The following RGS8 variants were observed in gnomAD, a reference collection of about 807,000 sequenced individuals.
RGS8 encodes the protein regulator of G-protein signaling 8.
RGS8 carries 8 observed loss-of-function variants against 21.7 expected under a neutral mutation model. That is an observed-to-expected ratio of 0.37 (90% confidence interval 0.22 to 0.66). The LOEUF is 0.66. Ranked by LOEUF, RGS8 falls within the 30% of genes least tolerant of loss-of-function variation. The pLI is 0.59. For missense variants in RGS8, 157 were observed against 217.9 expected, an observed-to-expected ratio of 0.72 and a Z score of 1.76; for synonymous variants, 80 against 83.6, an observed-to-expected ratio of 0.96 and a Z score of 0.24.
the RGS8 span, among the ~76,000 whole-genome samples, chr1:182,706,881 T>C: frequency 6.6e-6 from 1 of 152,162 alleles, no homozygotes; most frequent in Non-Finnish European, 1.5e-5. Context: ...CAGTATGAAT[T>C]CATTTCAGAT....
rs773506161 is a variant in RGS8, at chr1:182,648,124, G to A, written c.360+13C>T. 1.2e-5 allele frequency: 19 copies of A among 1,585,286 alleles called. No individual in the cohort carries two copies. The highest frequency in any genetic ancestry group is 9.3e-5 in the South Asian group (8 of 86,478). On this transcript the variant is annotated intron_variant, in intron 6 of 6. Coordinates refer to ENST00000483095, the Ensembl canonical transcript of RGS8. ...GCCATGGATAGACAGGATGGTCGCC[G>A]CTGCCAACACACCTCCCGTGGAGCC...
At chr1:182,669,152 T>C (rs1234184207) in intron 3 of RGS8, among the ~76,000 whole-genome samples, 1 of 152,272 alleles carries the variant, frequency 6.6e-6, no homozygotes, top group Non-Finnish European at 1.5e-5. Context: ...AAATGGTTTT[T>C]ATTTTTCATC....
intron 5 of RGS8, among the ~76,000 whole-genome samples, chr1:182,649,633 G>T (rs943513910): frequency 2.0e-5 from 3 of 152,104 alleles, no homozygotes; most frequent in African/African-American, 7.2e-5. Flanking sequence ...AGATGAGCAG[G>T]GTTACCATGT....
chr1:182,693,231 A>G, the RGS8 span, among the ~76,000 whole-genome samples: 1 of 152,262 alleles, frequency 6.6e-6, no homozygotes, highest in African/African-American at 2.4e-5. Flanking sequence ...GCATCCAACA[A>G]AGGTTTAATA....
chr1:182,686,693 T>A (rs947000377), upstream of RGS8, among the ~76,000 whole-genome samples: 5 of 152,084 alleles, frequency 3.3e-5, no homozygotes, highest in Non-Finnish European at 4.4e-5. Context: ...AGGGCAGAAG[T>A]GGAAGAGGAG....
the RGS8 span, among the ~76,000 whole-genome samples, chr1:182,743,992 G>C: frequency 1.3e-5 from 2 of 152,100 alleles, no homozygotes; most frequent in Non-Finnish European, 2.9e-5. Flanking sequence ...TCACATGTTT[G>C]TTATCTGACT....
chr1:182,695,001 A>C, the RGS8 span, among the ~76,000 whole-genome samples: 36 of 152,248 alleles, frequency 2.4e-4, no homozygotes, highest in African/African-American at 8.4e-4. Context: ...ACTACAGTGC[A>C]TTGGGTTGTT....
the RGS8 span, among the ~76,000 whole-genome samples, chr1:182,752,347 G>C: frequency 2.0e-5 from 3 of 152,176 alleles, no homozygotes; most frequent in South Asian, 2.1e-4. Context: ...GACACAGGTG[G>C]TTCCTGTCAG....
chr1:182,723,062 C>A, the RGS8 span, among the ~76,000 whole-genome samples: 1 of 152,044 alleles, frequency 6.6e-6, no homozygotes, highest in African/African-American at 2.4e-5. Context: ...CAGCCTACTC[C>A]AATATGGCCT....
chr1:182,699,692 G>C, the RGS8 span, among the ~76,000 whole-genome samples: 1 of 152,174 alleles, frequency 6.6e-6, no homozygotes, highest in African/African-American at 2.4e-5. Flanking sequence ...GAGCCCTGGG[G>C]ATTGCAACGG....
the RGS8 span, among the ~76,000 whole-genome samples, chr1:182,700,959 T>C: frequency 6.6e-6 from 1 of 152,238 alleles, no homozygotes; most frequent in Non-Finnish European, 1.5e-5. Flanking sequence ...TATTCTAAGC[T>C]TCCCCATTGT....
chr1:182,737,699 T>C, the RGS8 span, among the ~76,000 whole-genome samples: 22 of 152,304 alleles, frequency 1.4e-4, no homozygotes, highest in East Asian at 4.0e-3. Context: ...GGTATGTCTT[T>C]ATTAGCAGCA....
the RGS8 span, among the ~76,000 whole-genome samples, chr1:182,695,247 A>G: frequency 6.6e-6 from 1 of 152,368 alleles, no homozygotes; most frequent in Non-Finnish European, 1.5e-5. Flanking sequence ...CTGGAAACCT[A>G]CACTGGAAAA....
At chr1:182,745,826 T>A in the RGS8 span, among the ~76,000 whole-genome samples, 1 of 152,192 alleles carries the variant, frequency 6.6e-6, no homozygotes, top group African/African-American at 2.4e-5. Context: ...CCAGTGATTT[T>A]TCCCACATGT....
At chr1:182,739,563 TA>T in the RGS8 span, among the ~76,000 whole-genome samples, 3 of 152,236 alleles carry the variant, frequency 2.0e-5, no homozygotes, top group African/African-American at 7.2e-5. Context: ...ATTCCTTTTC[TA>T]AAGTATTGTA....
the RGS8 span, among the ~76,000 whole-genome samples, chr1:182,702,916 C>G: frequency 6.6e-6 from 1 of 152,178 alleles, no homozygotes; most frequent in Non-Finnish European, 1.5e-5. Context: ...AGTAAGTCAC[C>G]TCTCTAAAGG....
At chr1:182,647,221 A>C (rs939612161) in intron 6 of RGS8, among the ~76,000 whole-genome samples, 1 of 152,250 alleles carries the variant, frequency 6.6e-6, no homozygotes, top group Non-Finnish European at 1.5e-5. Flanking sequence ...AAATTACTTG[A>C]ATCCCTAATC....
the RGS8 span, among the ~76,000 whole-genome samples, chr1:182,705,481 A>C: frequency 6.6e-6 from 1 of 152,238 alleles, no homozygotes; most frequent in African/African-American, 2.4e-5. Flanking sequence ...GTTACCAGCT[A>C]TCTGGGCATC....
intron 5 of RGS8, among the ~76,000 whole-genome samples, chr1:182,650,203 C>A (rs759216970): frequency 4.6e-5 from 7 of 152,178 alleles, no homozygotes; most frequent in Non-Finnish European, 1.0e-4. Context: ...AGCCACCACG[C>A]CCGGCCAACA....
Sources: allele counts gnomAD v4.1 joint callset (sites outside exome capture counted in the v4.1 genomes callset), GRCh38; gene constraint gnomAD v4.1.1; transcripts MANE v1.5; gene names NCBI Gene and HGNC (gene_info 2026-07-23, HGNC 2026-07-21).